The following ROS1 variants were observed in gnomAD, a reference collection of about 807,000 sequenced individuals.
The protein encoded by ROS1 is proto-oncogene tyrosine-protein kinase ROS.
Under a neutral mutation model 273.5 loss-of-function variants are expected in ROS1, and 263 were observed. That is an observed-to-expected ratio of 0.96 (90% CI 0.87 to 1.06). ROS1 has a LOEUF of 1.06. Among genes scored for constraint, ROS1 ranks in the 50% least tolerant of loss-of-function variants. ROS1 has a pLI of 0.00. For synonymous variants in ROS1, 1,008 were observed against 954.1 expected (o/e 1.06, Z -1.04); for missense variants, 2,833 against 2,751.1 (o/e 1.03, Z -0.67).
chr6:117,389,544 G>T lies in ROS1; in HGVS notation c.1592C>A (p.Ala531Asp). The change falls in exon 13 of 44, where the codon GCT (alanine) becomes GAT (aspartate). Residue 531 changes from alanine (A) to aspartate (D), a missense_variant. Physicochemically the swap from Ala to Asp is moderately radical, Grantham distance 126. Transcript: ENST00000368507. ...TDGKVIFQQD[A>D]LSFNEFIVGC... ...CACGATGAATTCATTAAAAGACAAA[G>T]CATCCTGTTGGAAAATGACCTTGCC... The T allele has an allele frequency of 6.2e-7, 1 of 1,614,162 alleles. No individual in the cohort carries two copies. Among genetic ancestry groups the T allele is most frequent in the Non-Finnish European group, 8.5e-7 (1 of 1,180,032 alleles).
chr6:117,332,641 C>T (rs1431353861), intron 32 of ROS1, among the ~76,000 whole-genome samples: 1 of 152,130 alleles, frequency 6.6e-6, no homozygotes, highest in African/African-American at 2.4e-5. Flanking sequence ...TCATAACAAA[C>T]AGTCTCTCAG....
chr6:117,341,134 C>CT lies in ROS1; in HGVS notation c.5061_5061+1insA (p.Trp1688MetfsTer5). 6.3e-7 allele frequency: 1 copy of CT among 1,596,166 alleles called. No individual in the cohort carries two copies. Among genetic ancestry groups the CT allele is most frequent in the Middle Eastern group, 1.7e-4 (1 of 5,946 alleles). ...AATAAAGACTTGCATTAAAAGTCTA[C>CT]CTTCTGTAGCTCAACCCAAAATCTG... On this transcript the variant is annotated frameshift_variant and splice_region_variant. Transcript: ENST00000368507. LOFTEE classifies it high-confidence loss of function.
chr6:117,360,182 C>T (rs913519959), intron 23 of ROS1, among the ~76,000 whole-genome samples, 160 bp downstream of exon 23: 1 of 151,288 alleles, frequency 6.6e-6, no homozygotes, highest in African/African-American at 2.4e-5. Context: ...TTTATTTAAA[C>T]ATATTTTGGT....
At chr6:117,398,399 C>G (rs192693357) in intron 7 of ROS1, among the ~76,000 whole-genome samples, 1 of 152,024 alleles carries the variant, frequency 6.6e-6, no homozygotes, top group Non-Finnish European at 1.5e-5. Context: ...CCATTTAGGC[C>G]GGGTGCAGTG....
At chr6:117,322,601 T>C (rs530609195) in intron 35 of ROS1, among the ~76,000 whole-genome samples, 1 of 152,344 alleles carries the variant, frequency 6.6e-6, no homozygotes, top group African/African-American at 2.4e-5. Flanking sequence ...GCATTAGATA[T>C]GACTGCTCAG....
At chr6:117,377,949 A>G (rs922641490) in intron 18 of ROS1, among the ~76,000 whole-genome samples, 4 of 152,214 alleles carry the variant, frequency 2.6e-5, no homozygotes, top group Admixed American at 6.5e-5. Context: ...GATAGTCATC[A>G]GGGAAGTGCT....
chr6:117,339,684 T>G (rs1044686634), intron 31 of ROS1, among the ~76,000 whole-genome samples: 2 of 152,150 alleles, frequency 1.3e-5, no homozygotes, highest in African/African-American at 4.8e-5. Flanking sequence ...TGCAGCTTCA[T>G]GATTTTCTAA....
intron 26 of ROS1, among the ~76,000 whole-genome samples, chr6:117,354,923 G>C (rs1237116865): frequency 6.6e-6 from 1 of 152,156 alleles, no homozygotes; most frequent in Admixed American, 6.5e-5. Context: ...GAAGTCATTG[G>C]GTGGAAAAAT....
Position 117,366,140 on chromosome 6 carries a change from A to G in ROS1, c.2733T>C (p.Ser911=). The change falls in exon 19 of 44, where the codon TCT becomes TCC. Residue 911 remains serine (S), a synonymous_variant. Transcript: ENST00000368507. Reference sequence around the variant, plus strand: ...GATTAAATCTGGCTGGTTCCAAAACAGAGACACTGGTTTTCTGACCTATTT... The same window carrying G: ...GATTAAATCTGGCTGGTTCCAAAACGGAGACACTGGTTTTCTGACCTATTT... ...TQEIGQKTSV[S]VLEPARFNQF... The G allele has an allele frequency of 6.2e-7, 1 of 1,614,178 alleles. No individual in the cohort carries two copies. The highest frequency in any genetic ancestry group is 8.5e-7 in the Non-Finnish European group (1 of 1,180,000).
At chr6:117,305,014 G>C (rs1931227) in intron 42 of ROS1, among the ~76,000 whole-genome samples, 17,395 of 152,094 alleles carry the variant, frequency 0.11, 1,175 homozygotes, top group Non-Finnish European at 0.16. Flanking sequence ...CTCCTGAGCC[G>C]TGCTTCCTGT....
intron 34 of ROS1, among the ~76,000 whole-genome samples, chr6:117,325,134 G>A (rs1316367191): frequency 6.6e-6 from 1 of 152,032 alleles, no homozygotes; most frequent in African/African-American, 2.4e-5. Context: ...CAACTAACTA[G>A]ATAACTAACT....
At chr6:117,419,213 A>C (rs1775567919) in intron 1 of ROS1, among the ~76,000 whole-genome samples, 1 of 152,186 alleles carries the variant, frequency 6.6e-6, no homozygotes, top group African/African-American at 2.4e-5. Context: ...TCTTCACTCC[A>C]TCCTCAGCAC....
intron 39 of ROS1, among the ~76,000 whole-genome samples, chr6:117,313,898 C>G (rs774928122): frequency 2.0e-5 from 3 of 152,090 alleles, no homozygotes; most frequent in African/African-American, 7.2e-5. Context: ...CAGCACCTAA[C>G]GATGTCTCTA....
chr6:117,371,344 G>A (rs1007428154), intron 18 of ROS1, among the ~76,000 whole-genome samples: 15 of 152,200 alleles, frequency 9.9e-5, no homozygotes, highest in Non-Finnish European at 7.4e-5. Context: ...AGAAGGATTT[G>A]ACCTCACATG....
intron 39 of ROS1, among the ~76,000 whole-genome samples, chr6:117,311,860 A>G (rs759674771): frequency 2.0e-5 from 3 of 152,100 alleles, no homozygotes; most frequent in Non-Finnish European, 4.4e-5. Flanking sequence ...CCCTGAAGCT[A>G]TATTACATTG....
At chr6:117,324,928 C>A (rs987829263) in intron 34 of ROS1, among the ~76,000 whole-genome samples, 1 of 151,720 alleles carries the variant, frequency 6.6e-6, no homozygotes, top group Non-Finnish European at 1.5e-5. Flanking sequence ...TGATTTTGTA[C>A]CCCCTATTAG....
At chr6:117,329,796 A>C (rs537392757) in intron 32 of ROS1, among the ~76,000 whole-genome samples, 77 of 152,210 alleles carry the variant, frequency 5.1e-4, no homozygotes, top group African/African-American at 1.7e-3. Context: ...CGAGCAGGCT[A>C]CCCAGCCGGG....
intron 5 of ROS1, among the ~76,000 whole-genome samples, chr6:117,408,455 A>T (rs887105574): frequency 2.6e-5 from 4 of 152,260 alleles, no homozygotes; most frequent in African/African-American, 9.6e-5. Flanking sequence ...CAAAAAACAC[A>T]TGAAAAAATG....
intron 43 of ROS1, among the ~76,000 whole-genome samples, chr6:117,290,142 A>C (rs1030326518): frequency 1.3e-5 from 2 of 152,222 alleles, no homozygotes; most frequent in African/African-American, 4.8e-5. Context: ...TCCATGAATG[A>C]GCATATTGGA....
Sources: allele counts gnomAD v4.1 joint callset (sites outside exome capture counted in the v4.1 genomes callset), GRCh38; gene constraint gnomAD v4.1.1; transcripts MANE v1.5; gene names NCBI Gene and HGNC (gene_info 2026-07-23, HGNC 2026-07-21).